OTULINL: variants seen among roughly 807,000 people sequenced by gnomAD.
The protein encoded by OTULINL is OTU deubiquitinase with linear linkage specificity like, also known as inactive ubiquitin thioesterase OTULINL.
OTULINL carries 42 observed loss-of-function variants against 43.9 expected under a neutral mutation model. The observed-to-expected ratio is 0.96, with a 90% confidence interval of 0.75 to 1.24. The LOEUF is 1.24. OTULINL is among the 50% of genes most tolerant of loss of function. The pLI, the probability that OTULINL is intolerant of heterozygous loss-of-function variation, is 0.00. For missense variants in OTULINL, 411 were observed against 426.4 expected (o/e 0.96, Z 0.32); for synonymous variants, 172 against 153.6 (o/e 1.12, Z -0.88).
chr5:14,605,758 G>A (rs1013003597), intron 5 of OTULINL, among the ~76,000 whole-genome samples: 36 of 152,118 alleles, frequency 2.4e-4, no homozygotes, highest in African/African-American at 3.6e-4. Context: ...CAGTCTCTTC[G>A]TTAAAACATA....
intron 1 of OTULINL, among the ~76,000 whole-genome samples, chr5:14,584,400 A>G (rs1759070062): frequency 1.3e-5 from 2 of 152,180 alleles, no homozygotes; most frequent in African/African-American, 2.4e-5. Context: ...CACCCACTCC[A>G]GCTATACTTG....
rs3838236 is a variant in OTULINL, at chr5:14,585,343, TTTG to T, written c.64+3397_64+3399del. On this transcript the variant is annotated intron_variant, in intron 1 of 7. Coordinates refer to ENST00000274217, the MANE Select transcript of OTULINL (RefSeq NM_019018.3). Reference sequence around the variant, plus strand: ...TAAAACCAAATGGTCCATAGTTGATTTTGTTGTTGTTGTTTTGCCACCCATTTG... The same window carrying T: ...TAAAACCAAATGGTCCATAGTTGATTTTGTTGTTGTTTTGCCACCCATTTG... 4.6e-5 allele frequency among the ~76,000 whole-genome samples: 7 copies of T among 151,738 alleles called. No homozygotes were observed. The East Asian group carries it at 9.7e-4, about 21-fold the overall frequency.
intron 7 of OTULINL, among the ~76,000 whole-genome samples, chr5:14,609,795 T>C (rs1410000905): frequency 6.6e-6 from 1 of 152,200 alleles, no homozygotes; most frequent in African/African-American, 2.4e-5. Context: ...TGCGCCCGGC[T>C]AATTTTTTGT....
intron 1 of OTULINL, among the ~76,000 whole-genome samples, chr5:14,597,917 C>G (rs934335103): frequency 6.6e-6 from 1 of 152,066 alleles, no homozygotes; most frequent in Admixed American, 6.5e-5. Flanking sequence ...TTGATCATAT[C>G]ACAATCTCTT....
In OTULINL at chr5:14,610,390, A is replaced by G; in HGVS notation, c.*76A>G. ...GCAATAAAGTCTCTCTCTGAAACCA[A>G]AGCTAGCATTTCAGCATGGAAGGAA... is the stretch of plus-strand genomic sequence containing the variant. On this transcript the variant is annotated 3_prime_UTR_variant, in exon 8 of 8. Coordinates refer to ENST00000274217, the MANE Select transcript of OTULINL (RefSeq NM_019018.3). 1.4e-6 allele frequency: 2 copies of G among 1,473,790 alleles called. No individual in the cohort carries two copies. Among genetic ancestry groups the G allele is most frequent in the South Asian group, 1.2e-5 (1 of 85,012 alleles). 91.3% of individuals were successfully genotyped at this position (1,473,790 alleles called of 1,614,324 possible).
At chr5:14,584,570 C>T (rs964747217) in intron 1 of OTULINL, among the ~76,000 whole-genome samples, 1 of 152,086 alleles carries the variant, frequency 6.6e-6, no homozygotes, top group Non-Finnish European at 1.5e-5. Flanking sequence ...CTTGTGTCTT[C>T]GTTCATTTAT....
Position 14,614,838 on chromosome 5 carries a change from T to A in OTULINL, c.*4524T>A, listed in dbSNP as rs1202955815. Reference sequence around the variant, plus strand: ...CTCGTTCTGTTTAAAAAAATCAAATTTCTGTATGTAATTGACGTATTGGTC... The same window carrying A: ...CTCGTTCTGTTTAAAAAAATCAAATATCTGTATGTAATTGACGTATTGGTC... On this transcript the variant is annotated 3_prime_UTR_variant, in exon 8 of 8. Transcript: ENST00000274217. 2.5e-6 allele frequency: 1 copy of A among 398,080 alleles called. No homozygotes were observed. Among genetic ancestry groups the A allele is most frequent in the East Asian group, 3.6e-5 (1 of 28,068 alleles). The allele number at this position is 398,080 out of a possible 1,614,324, so 24.7% of individuals were successfully genotyped here.
At position 14,608,794 on chromosome 5, in the gene OTULINL, T is replaced by C. The variant is rs569686210; in HGVS notation, c.674T>C (p.Met225Thr). The C allele has an allele frequency of 2.5e-6, 4 of 1,612,842 alleles. No homozygotes were observed. The highest frequency in any genetic ancestry group is 2.2e-5 in the East Asian group (1 of 44,820). The change falls in exon 7 of 8, where the codon ATG becomes ACG. Residue 225 changes from methionine (M) to threonine (T), a missense_variant. Physicochemically the swap from Met to Thr is moderately conservative, Grantham distance 81. Coordinates refer to ENST00000274217, the MANE Select transcript of OTULINL (RefSeq NM_019018.3). ...GIRDYHKRGS[M>T]CNTLFSDAIL... is the part of the protein sequence containing the mutation. ...AGAGATTATCACAAGAGAGGAAGTATGTGCAACACCCTTTTTTCAGATGCC... is the reference window on the plus strand; with the variant it reads ...AGAGATTATCACAAGAGAGGAAGTACGTGCAACACCCTTTTTTCAGATGCC...
At chr5:14,597,107 T>C (rs152614) in intron 1 of OTULINL, among the ~76,000 whole-genome samples, 8,992 of 152,164 alleles carry the variant, frequency 0.059, 893 homozygotes, top group African/African-American at 0.21. Context: ...TTTAATGTTT[T>C]CCCCCTCAAA....
chr5:14,603,408 G>A (rs1358357637), intron 5 of OTULINL, among the ~76,000 whole-genome samples: 6 of 152,274 alleles, frequency 3.9e-5, no homozygotes, highest in African/African-American at 7.2e-5. Context: ...GCCAAGCTGC[G>A]TTCCAAAGTG....
rs768937348 is a variant in OTULINL, at chr5:14,602,205, G to A, written c.371G>A (p.Arg124Gln). The A allele has an allele frequency of 1.1e-5, 18 of 1,604,914 alleles. No individual in the cohort carries two copies. In the Admixed American group the frequency reaches 2.0e-4, roughly 18 times the overall value. ...TAGGCTTATGAGGAGCTATTTTGGC[G>A]GCATCACATTAAATGTGTTCGACAA... is the stretch of plus-strand genomic sequence containing the variant. ...MRKAYEELFW[R>Q]HHIKCVRQVR... is the part of the protein sequence containing the mutation. Residue 124 changes from arginine to glutamine, a missense_variant, in exon 5 of 8, where the codon CGG (arginine) becomes CAG (glutamine). Physicochemically the swap from Arg to Gln is conservative, Grantham distance 43. Transcript: ENST00000274217.
Position 14,581,921 on chromosome 5 carries a change from G to GT in OTULINL, c.27_28insT (p.Ala10CysfsTer15). ...TGGCGGCGACAAGGAGCCCCACGCG[G>GT]GCAAGGGAGCGGGAGCGGTCTGGCG... On this transcript the variant is annotated frameshift_variant, in exon 1 of 8. Coordinates refer to ENST00000274217, the MANE Select transcript of OTULINL (RefSeq NM_019018.3). LOFTEE classifies it high-confidence loss of function. 1 of 1,410,004 alleles carries GT rather than the reference G, an allele frequency of 7.1e-7. No homozygotes were observed. Among genetic ancestry groups the GT allele is most frequent in the Non-Finnish European group, 9.2e-7 (1 of 1,082,152 alleles). The allele number at this position is 1,410,004 out of a possible 1,614,324, so 87.3% of individuals were successfully genotyped here. A position where few individuals can be genotyped will look rare whatever the true frequency, so the allele number is the denominator to read the frequency against.
At chr5:14,600,181 G>A (rs1041548736) in intron 1 of OTULINL, among the ~76,000 whole-genome samples, 8 of 152,134 alleles carry the variant, frequency 5.3e-5, no homozygotes, top group African/African-American at 7.2e-5. Context: ...GAGTTCTCAC[G>A]AGATCTGATG....
chr5:14,597,534 T>G (rs1293704183), intron 1 of OTULINL, among the ~76,000 whole-genome samples: 1 of 152,202 alleles, frequency 6.6e-6, no homozygotes, highest in Non-Finnish European at 1.5e-5. Context: ...GTAGAACACT[T>G]AACATAGGGG....
rs542661216 is a variant in OTULINL, at chr5:14,595,008, G to A, written c.65-5957G>A. ...ATTGAAGCAGATAGAAATACCTGTT[G>A]TGTTTATTAAATGTAGTACTTCTAC... is the stretch of plus-strand genomic sequence containing the variant. On this transcript the variant is annotated intron_variant, in intron 1 of 7. Transcript: ENST00000274217. 8.5e-5 allele frequency among the ~76,000 whole-genome samples: 13 copies of A among 152,242 alleles called. No individual in the cohort carries two copies. In the East Asian group the frequency reaches 1.9e-3, roughly 23 times the overall value.
chr5:14,602,635 C>T (rs1759408111), intron 5 of OTULINL, among the ~76,000 whole-genome samples: 1 of 152,068 alleles, frequency 6.6e-6, no homozygotes, highest in Admixed American at 6.6e-5. Context: ...CAGGGTTTTC[C>T]GTGTTGCCCA....
At chr5:14,609,955 G>C (rs1759549846) in intron 7 of OTULINL, among the ~76,000 whole-genome samples, 186 bp from the exon 8 acceptor site, 1 of 152,146 alleles carries the variant, frequency 6.6e-6, no homozygotes, top group Non-Finnish European at 1.5e-5. Flanking sequence ...TTGTTCCTAT[G>C]CTCGTCCCCT....
chr5:14,588,943 G>C (rs530337811), intron 1 of OTULINL, among the ~76,000 whole-genome samples: 1 of 152,306 alleles, frequency 6.6e-6, no homozygotes, highest in Admixed American at 6.5e-5. Context: ...CATGTGCCCA[G>C]CCCAAAGTCA....
At chr5:14,584,625 G>A (rs1759073573) in intron 1 of OTULINL, among the ~76,000 whole-genome samples, 2 of 152,232 alleles carry the variant, frequency 1.3e-5, no homozygotes, top group Admixed American at 1.3e-4. Flanking sequence ...TTCTGAGTAA[G>A]CACTCAAATG....
Sources: allele counts gnomAD v4.1 joint callset (sites outside exome capture counted in the v4.1 genomes callset), GRCh38; gene constraint gnomAD v4.1.1; transcripts MANE v1.5; gene names NCBI Gene and HGNC (gene_info 2026-07-23, HGNC 2026-07-21).